Variants in CDH13 observed in about 807,000 individuals in gnomAD.
CDH13 encodes the protein cadherin-13.
In CDH13, 24 loss-of-function variants were observed where a neutral mutation model predicts 63.8. The ratio of observed to expected loss-of-function variants is 0.38; its 90% CI spans 0.27 to 0.53. The LOEUF (loss-of-function observed/expected upper bound fraction) is 0.53. Among genes scored for constraint, CDH13 ranks in the 20% least tolerant of loss-of-function variants. The pLI is 0.85. For synonymous variants in CDH13, 503 were observed against 355.3 expected, an observed-to-expected ratio of 1.42 and a Z score of -4.67; for missense variants, 1,049 against 903.1, an observed-to-expected ratio of 1.16 and a Z score of -2.07.
At chr16:82,902,817 C>G (rs1416744205) in intron 2 of CDH13, among the ~76,000 whole-genome samples, 1 of 152,060 alleles carries the variant, frequency 6.6e-6, no homozygotes, top group Non-Finnish European at 1.5e-5. Context: ...AGATGTCTGC[C>G]TTGGTCTGGT....
rs116979104 is a variant in CDH13, at chr16:83,310,969, A to T, written c.637-33893A>T. On this transcript the variant is annotated intron_variant, in intron 5 of 13. Coordinates refer to ENST00000567109, the MANE Select transcript of CDH13 (RefSeq NM_001257.5). ...CAGGAAGTTCCAGAAAGACCACACA[A>T]CACACACAAAGTACTCCCACATAAA... 3.8e-3 allele frequency among the ~76,000 whole-genome samples: 577 copies of T among 152,274 alleles called. 2 individuals are homozygous for T. Among genetic ancestry groups the T allele is most frequent in the Non-Finnish European group, 6.4e-3 (434 of 68,020 alleles).
At chr16:83,067,440 C>A (rs1054540584) in intron 3 of CDH13, among the ~76,000 whole-genome samples, 3 of 152,158 alleles carry the variant, frequency 2.0e-5, no homozygotes, top group Non-Finnish European at 2.9e-5. Flanking sequence ...TCAATGACAG[C>A]AAACAAGTAA....
At chr16:83,050,064 C>G (rs1225306140) in intron 3 of CDH13, among the ~76,000 whole-genome samples, 6 of 152,078 alleles carry the variant, frequency 3.9e-5, no homozygotes, top group Admixed American at 3.9e-4. Flanking sequence ...GGGGGTGGCT[C>G]TCTTATCTGG....
At chr16:83,044,925 A>G (rs1398062917) in intron 3 of CDH13, among the ~76,000 whole-genome samples, 1 of 152,226 alleles carries the variant, frequency 6.6e-6, no homozygotes, top group Non-Finnish European at 1.5e-5. Context: ...ATAATGTAAT[A>G]AAATGTACAT....
intron 3 of CDH13, among the ~76,000 whole-genome samples, chr16:83,061,346 T>G (rs181787568): frequency 6.9e-6 from 1 of 145,050 alleles, no homozygotes; most frequent in Non-Finnish European, 1.5e-5. Flanking sequence ...GATGAGTGGA[T>G]TTTTTGTGTC....
intron 5 of CDH13, among the ~76,000 whole-genome samples, chr16:83,252,765 C>G (rs780234730): frequency 3.3e-5 from 5 of 152,040 alleles, no homozygotes; most frequent in Non-Finnish European, 7.4e-5. Flanking sequence ...GAATGCTGCT[C>G]AGTATCCTAC....
At chr16:82,724,537 C>G (rs1013553558) in intron 1 of CDH13, among the ~76,000 whole-genome samples, 2 of 152,148 alleles carry the variant, frequency 1.3e-5, no homozygotes, top group Non-Finnish European at 2.9e-5. Flanking sequence ...ATGATGCTGT[C>G]CTTCATTCTA....
intron 1 of CDH13, among the ~76,000 whole-genome samples, chr16:82,785,057 C>G (rs370726554): frequency 3.0e-4 from 45 of 152,222 alleles, no homozygotes; most frequent in East Asian, 9.7e-4. Flanking sequence ...GTAGCATGAT[C>G]AGCTGTGCTT....
intron 7 of CDH13, among the ~76,000 whole-genome samples, chr16:83,573,960 TCC>T (rs1295321077): frequency 1.3e-5 from 2 of 151,976 alleles, no homozygotes; most frequent in Admixed American, 6.5e-5. Context: ...GTAAATTGGG[TCC>T]CCGGGATTTA....
At chr16:83,629,383 T>G (rs1268224588) in intron 8 of CDH13, among the ~76,000 whole-genome samples, 1 of 152,244 alleles carries the variant, frequency 6.6e-6, no homozygotes, top group Non-Finnish European at 1.5e-5. Flanking sequence ...AAGTCTGAAC[T>G]GTTATTTTAT....
intron 5 of CDH13, among the ~76,000 whole-genome samples, chr16:83,310,932 C>A (rs1408973094): frequency 1.3e-5 from 2 of 152,202 alleles, no homozygotes; most frequent in Non-Finnish European, 2.9e-5. Flanking sequence ...TGTTTTCACC[C>A]AATCCACCTG....
intron 2 of CDH13, among the ~76,000 whole-genome samples, chr16:82,965,583 G>A (rs1434253740): frequency 2.0e-5 from 3 of 152,152 alleles, no homozygotes; most frequent in South Asian, 2.1e-4. Context: ...CCAAGCTGGA[G>A]TACAGTGGTG....
intron 3 of CDH13, among the ~76,000 whole-genome samples, chr16:83,060,295 G>T (rs184942054): frequency 2.0e-5 from 3 of 152,302 alleles, no homozygotes; most frequent in Non-Finnish European, 4.4e-5. Flanking sequence ...CAGAGAGTCA[G>T]TCCAGCTGAA....
rs369806578 is a variant in CDH13 at position 83,737,227 on chromosome 16, G to GACTT, written c.1539-10879_1539-10876dup. 2.1e-3 allele frequency among the ~76,000 whole-genome samples: 313 copies of GACTT among 152,282 alleles called. 2 individuals are homozygous for GACTT. The highest frequency in any genetic ancestry group is 7.3e-3 in the African/African-American group (304 of 41,552). On this transcript the variant is annotated intron_variant, in intron 10 of 13. Coordinates refer to ENST00000567109, the MANE Select transcript of CDH13 (RefSeq NM_001257.5). ...TATTTCCTAGACTAAATCATTCTCAGACTTAAGTTATTAGTGAGCGCTGTT... is the reference window on the plus strand; with the variant it reads ...TATTTCCTAGACTAAATCATTCTCAGACTTACTTAAGTTATTAGTGAGCGCTGTT...
chr16:82,967,852 AT>A lies in CDH13; in HGVS notation c.158-64153del, dbSNP rs796581563. On this transcript the variant is annotated intron_variant, in intron 2 of 13. Transcript: ENST00000567109. Reference sequence around the variant, plus strand: ...GCCAGGTTTCTCCTATATAAACTTAATTTTTCCTCCTTTGTAACTAACAAGG... The same window carrying A: ...GCCAGGTTTCTCCTATATAAACTTAATTTTCCTCCTTTGTAACTAACAAGG... Among the ~76,000 whole-genome samples the A allele has an allele frequency of 1.2e-3, 180 of 152,206 alleles. 2 individuals are homozygous for A. Among genetic ancestry groups the A allele is most frequent in the African/African-American group, 4.2e-3 (176 of 41,538 alleles).
At chr16:82,655,052 G>C (rs1405105107) in intron 1 of CDH13, among the ~76,000 whole-genome samples, 1 of 152,216 alleles carries the variant, frequency 6.6e-6, no homozygotes, top group Admixed American at 6.5e-5. Context: ...GGAGGATGGA[G>C]TCCAAAAGAA....
At chr16:83,730,612 T>G (rs1361940281) in intron 10 of CDH13, among the ~76,000 whole-genome samples, 1 of 152,206 alleles carries the variant, frequency 6.6e-6, no homozygotes, top group Non-Finnish European at 1.5e-5. Context: ...GTACAAAGGA[T>G]CACCTGGGTT....
intron 3 of CDH13, among the ~76,000 whole-genome samples, chr16:83,059,458 G>A (rs563087539): frequency 6.6e-6 from 1 of 152,162 alleles, no homozygotes; most frequent in Non-Finnish European, 1.5e-5. Flanking sequence ...GAACTGTCCA[G>A]TGCAGCTGCT....
intron 7 of CDH13, among the ~76,000 whole-genome samples, chr16:83,565,443 C>T (rs1417139866): frequency 7.1e-6 from 1 of 140,358 alleles, no homozygotes; most frequent in East Asian, 2.1e-4. Flanking sequence ...CGAGTCTCTT[C>T]TTTCCCCAAG....
Sources: gnomAD v4.1 joint callset for allele counts (sites outside exome capture counted in the v4.1 genomes callset) on GRCh38, gnomAD v4.1.1 for gene constraint, MANE v1.5 for transcripts, NCBI Gene and HGNC (gene_info 2026-07-23, HGNC 2026-07-21) for gene names.